CFAP52: variants seen among roughly 807,000 people sequenced by gnomAD.
CFAP52 encodes the protein cilia- and flagella-associated protein 52.
A neutral mutation model predicts 70.5 loss-of-function variants in CFAP52; 57 were observed. The ratio of observed to expected loss-of-function variants is 0.81; its 90% CI spans 0.65 to 1.01. The LOEUF (loss-of-function observed/expected upper bound fraction) is 1.01. CFAP52 is among the 50% of genes least tolerant of loss of function. The pLI is 0.00. For synonymous variants in CFAP52, 267 were observed against 292.5 expected (o/e 0.91, Z 0.89); for missense variants, 785 against 788.5 (o/e 1.00, Z 0.05).
chr17:9,606,744 C>G (rs1041504088), intron 6 of CFAP52, among the ~76,000 whole-genome samples: 8 of 152,170 alleles, frequency 5.3e-5, no homozygotes, highest in African/African-American at 1.9e-4. Flanking sequence ...CCCCAAGTCC[C>G]CAGATAAATG....
chr17:9,583,582 T>C (rs7224675), intron 1 of CFAP52, among the ~76,000 whole-genome samples: 108,850 of 152,046 alleles, frequency 0.72, 40,602 homozygotes, highest in East Asian at 0.98. Flanking sequence ...TGAAGAAACA[T>C]ATCCTGTTTT....
intron 1 of CFAP52, among the ~76,000 whole-genome samples, chr17:9,579,810 C>T (rs575198837): frequency 1.3e-5 from 2 of 152,314 alleles, no homozygotes; most frequent in Admixed American, 1.3e-4. Context: ...TCAGGTGATC[C>T]ACCCGCCTCG....
At chr17:9,584,787 A>G (rs531980226) in intron 1 of CFAP52, among the ~76,000 whole-genome samples, 1 of 151,834 alleles carries the variant, frequency 6.6e-6, no homozygotes, top group Admixed American at 6.6e-5. Flanking sequence ...AAGCCCAGCT[A>G]ATTTTTTGTA....
At chr17:9,597,098 C>T (rs1051029080) in intron 4 of CFAP52, among the ~76,000 whole-genome samples, 38 of 152,152 alleles carry the variant, frequency 2.5e-4, no homozygotes, top group African/African-American at 9.2e-4. Context: ...CTGATAACCA[C>T]CATTCTACTG....
At position 9,612,303 on chromosome 17, in the gene CFAP52, CTAAA is replaced by C; in HGVS notation, c.855-5_855-2del. 3.7e-6 allele frequency: 6 copies of C among 1,613,452 alleles called. No homozygotes were observed. The highest frequency in any genetic ancestry group is 5.1e-6 in the Non-Finnish European group (6 of 1,179,658). ...ATCTACTTTACTTTTGTGCTTCTCC[CTAAA>C]GGAAGATTCAGTTACAAGGCGGCAT... On this transcript the variant is annotated splice_acceptor_variant and splice_polypyrimidine_tract_variant and intron_variant, in intron 7 of 13. Transcript: ENST00000352665. LOFTEE classifies it high-confidence loss of function.
At chr17:9,604,750 AAAAT>A (rs58770209) in intron 6 of CFAP52, among the ~76,000 whole-genome samples, 72,783 of 134,786 alleles carry the variant, frequency 0.54, 21,110 homozygotes, top group Admixed American at 0.63. Flanking sequence ...ACTCTGTCTC[AAAAT>A]AAATAAATAA....
Position 9,612,451 on chromosome 17 carries a change from G to C in CFAP52, c.997G>C (p.Asp333His), listed in dbSNP as rs1201094620. The change falls in exon 8 of 14, where the codon GAT becomes CAT. Residue 333 changes from aspartate to histidine, a missense_variant. Transcript: ENST00000352665. ...KETLIATCHF[D>H]AVEDIVFPFG... ...GACGCTCATAGCGACTTGTCACTTT[G>C]ATGCTGTCGAGGATATTGTCTTTCC... 5 of 1,613,996 alleles carry C rather than the reference G, an allele frequency of 3.1e-6. No individual in the cohort carries two copies. Among genetic ancestry groups the C allele is most frequent in the Admixed American group, 3.3e-5 (2 of 60,004 alleles).
chr17:9,630,426 A>ATTTTT (rs560084144), intron 9 of CFAP52, among the ~76,000 whole-genome samples: 13 of 127,816 alleles, frequency 1.0e-4, no homozygotes, highest in African/African-American at 3.5e-4. Flanking sequence ...AATTTTTGTA[A>ATTTTT]TTTTTTTTTT....
intron 12 of CFAP52, among the ~76,000 whole-genome samples, chr17:9,640,559 G>A (rs750409926): frequency 1.2e-4 from 18 of 152,082 alleles, no homozygotes; most frequent in South Asian, 6.2e-4. Flanking sequence ...TCCATGTCCC[G>A]GCAAAGGACA....
chr17:9,641,184 A>C (rs1911039732), intron 12 of CFAP52, among the ~76,000 whole-genome samples: 1 of 152,200 alleles, frequency 6.6e-6, no homozygotes, highest in South Asian at 2.1e-4. Flanking sequence ...AACCAAGGTT[A>C]CCAGTTCCTC....
chr17:9,581,532 G>A (rs1394997580), intron 1 of CFAP52, among the ~76,000 whole-genome samples: 1 of 151,670 alleles, frequency 6.6e-6, no homozygotes, highest in Non-Finnish European at 1.5e-5. Context: ...AGAGAGAGGG[G>A]ATAGAGAGAG....
intron 8 of CFAP52, among the ~76,000 whole-genome samples, chr17:9,621,850 G>A (rs1392469374): frequency 5.0e-5 from 7 of 138,690 alleles, no homozygotes; most frequent in African/African-American, 1.9e-4. Context: ...TCTGGGGACT[G>A]TGGTGGGGTC....
chr17:9,579,557 T>G (rs1197747559), intron 1 of CFAP52, among the ~76,000 whole-genome samples: 1 of 152,204 alleles, frequency 6.6e-6, no homozygotes, highest in African/African-American at 2.4e-5. Context: ...CACTATAGTG[T>G]TACATTATTC....
chr17:9,631,522 G>A (rs962514307), intron 9 of CFAP52, among the ~76,000 whole-genome samples: 3 of 152,144 alleles, frequency 2.0e-5, no homozygotes, highest in Non-Finnish European at 4.4e-5. Flanking sequence ...AACATTCCAG[G>A]CAGAGGGAAT....
rs140315215 is a variant in CFAP52, at chr17:9,629,696, C to T, written c.1174+876C>T. 1.4e-4 allele frequency among the ~76,000 whole-genome samples: 21 copies of T among 147,410 alleles called. No individual in the cohort carries two copies. The East Asian group carries it at 3.7e-3, about 26-fold the overall frequency. On this transcript the variant is annotated intron_variant, in intron 9 of 13. Coordinates refer to ENST00000352665, the MANE Select transcript of CFAP52 (RefSeq NM_145054.5). The stretch of plus-strand genomic sequence containing the variant: ...CAGAGTAGCTGGGATTACAGGCACG[C>T]TCCTGCCTCAGCCTCCCAAGTATCT...
chr17:9,629,897 C>T (rs1375243412), intron 9 of CFAP52, among the ~76,000 whole-genome samples: 1 of 151,828 alleles, frequency 6.6e-6, no homozygotes, highest in Non-Finnish European at 1.5e-5. Flanking sequence ...GTCCTCACTC[C>T]TCTTTTCTTG....
chr17:9,603,941 G>A (rs1421791368), intron 6 of CFAP52, among the ~76,000 whole-genome samples: 1 of 152,144 alleles, frequency 6.6e-6, no homozygotes, highest in South Asian at 2.1e-4. Flanking sequence ...ACAGTGTAGG[G>A]TTGGTGAAAG....
chr17:9,586,347 T>A (rs1031064186), intron 2 of CFAP52, among the ~76,000 whole-genome samples: 2 of 152,088 alleles, frequency 1.3e-5, no homozygotes, highest in African/African-American at 4.8e-5. Flanking sequence ...TCGGATCCCC[T>A]GAGGTCAGGA....
chr17:9,615,795 CTTTTTTTTTT>C (rs1190663709), intron 8 of CFAP52, among the ~76,000 whole-genome samples: 4 of 67,398 alleles, frequency 5.9e-5, no homozygotes, highest in African/African-American at 9.5e-5. Flanking sequence ...AAAAAAAATT[CTTTTTTTTTT>C]TTTTTTTTTT....
Sources: allele counts gnomAD v4.1 joint callset (sites outside exome capture counted in the v4.1 genomes callset), GRCh38; gene constraint gnomAD v4.1.1; transcripts MANE v1.5; gene names NCBI Gene and HGNC (gene_info 2026-07-23, HGNC 2026-07-21).